The following CRACDL variants were observed in gnomAD, a reference collection of about 807,000 sequenced individuals.
The protein encoded by CRACDL is CRACD-like protein.
CRACDL carries 26 observed loss-of-function variants against 70.6 expected under a neutral mutation model. The observed-to-expected ratio is 0.37, with a 90% CI of 0.27 to 0.51. The LOEUF (loss-of-function observed/expected upper bound fraction) is 0.51, where lower values mean the gene tolerates loss of function less well. Ranked by LOEUF, CRACDL falls within the 20% of genes least tolerant of loss-of-function variation. The pLI is 0.94. For missense variants in CRACDL, 1,283 were observed against 1,376.9 expected (o/e 0.93, Z 1.08); for synonymous variants, 618 against 615.2 (o/e 1.00, Z -0.07).
intron 1 of CRACDL, among the ~76,000 whole-genome samples, chr2:98,931,302 G>C (rs555132623): frequency 1.0e-4 from 15 of 146,120 alleles, no homozygotes; most frequent in Admixed American, 4.2e-4. Context: ...TCCAGCCTGG[G>C]CGACAGAGCA....
At chr2:98,935,165 T>A (rs1390434644) in intron 1 of CRACDL, among the ~76,000 whole-genome samples, 1 of 152,120 alleles carries the variant, frequency 6.6e-6, no homozygotes, top group Admixed American at 6.5e-5. Flanking sequence ...TAAGACCAGT[T>A]TGGGAAGGTG....
At chr2:98,805,393 C>T (rs556155627) in intron 7 of CRACDL, among the ~76,000 whole-genome samples, 1 of 152,266 alleles carries the variant, frequency 6.6e-6, no homozygotes, top group South Asian at 2.1e-4. Context: ...CAAGTTTGCA[C>T]CCAGAGCTGT....
rs758540590 is a variant in CRACDL, at chr2:98,846,760, G to T, written c.41C>A (p.Ala14Asp). ...TRVMDIKLRE[A>D]AEGLGEDSTG... ...GCTGTCCTCCCCAAGGCCTTCTGCA[G>T]CCTCCCGAAGCTTAATGTCCATCAC... The change falls in exon 2 of 10, where the codon GCT becomes GAT. Residue 14 changes from alanine to aspartate, a missense_variant. Physicochemically the swap from Ala to Asp is moderately radical, Grantham distance 126 (BLOSUM62 -2). Coordinates refer to ENST00000397899, the MANE Select transcript of CRACDL (RefSeq NM_207362.3). 6 of 1,614,186 alleles carry T rather than the reference G, an allele frequency of 3.7e-6. No homozygotes were observed. The highest frequency in any genetic ancestry group is 5.1e-6 in the Non-Finnish European group (6 of 1,180,010).
intron 1 of CRACDL, among the ~76,000 whole-genome samples, chr2:98,894,121 G>T (rs1041803307): frequency 5.9e-5 from 9 of 152,300 alleles, no homozygotes; most frequent in Admixed American, 3.9e-4. Flanking sequence ...CGCCAGTGGC[G>T]CTGGCTATAT....
chr2:98,865,996 C>A (rs6708023), intron 1 of CRACDL, among the ~76,000 whole-genome samples: 2 of 151,986 alleles, frequency 1.3e-5, no homozygotes, highest in African/African-American at 2.4e-5. Flanking sequence ...CCACCTCCTG[C>A]TCTCTGAAGC....
chr2:98,927,633 A>T (rs1163272570), intron 1 of CRACDL, among the ~76,000 whole-genome samples: 1 of 152,176 alleles, frequency 6.6e-6, no homozygotes, highest in African/African-American at 2.4e-5. Context: ...AAAGCGCAAA[A>T]AATACAAAAA....
At chr2:98,802,321 C>T (rs564614702) in intron 7 of CRACDL, among the ~76,000 whole-genome samples, 1 of 152,240 alleles carries the variant, frequency 6.6e-6, no homozygotes, top group Non-Finnish European at 1.5e-5. Context: ...TGTGTTACAG[C>T]GAGCCTGGCC....
chr2:98,868,322 T>C (rs904156677), intron 1 of CRACDL, among the ~76,000 whole-genome samples: 2 of 152,262 alleles, frequency 1.3e-5, no homozygotes, highest in South Asian at 2.1e-4. Flanking sequence ...CCCAAGACCG[T>C]TCGCCCAGCT....
chr2:98,913,329 G>T (rs944742023), intron 1 of CRACDL, among the ~76,000 whole-genome samples: 8 of 152,148 alleles, frequency 5.3e-5, no homozygotes, highest in African/African-American at 4.8e-5. Context: ...GGTCACCTCT[G>T]TCGGGGGGTG....
chr2:98,867,053 C>T (rs923770683), intron 1 of CRACDL, among the ~76,000 whole-genome samples: 7 of 152,150 alleles, frequency 4.6e-5, no homozygotes, highest in African/African-American at 1.7e-4. Flanking sequence ...CCAGGCTTCC[C>T]CTCAGCCGTG....
intron 1 of CRACDL, among the ~76,000 whole-genome samples, chr2:98,856,963 G>A (rs1008966149): frequency 6.6e-6 from 1 of 151,662 alleles, no homozygotes. Flanking sequence ...ACTTGCCCAG[G>A]GATCCACACT....
intron 7 of CRACDL, among the ~76,000 whole-genome samples, chr2:98,809,964 C>T (rs569649354): frequency 2.0e-5 from 3 of 152,160 alleles, no homozygotes; most frequent in Non-Finnish European, 4.4e-5. Context: ...AATCCCACAG[C>T]CCCTAAGAGG....
At chr2:98,851,074 T>C (rs889303561) in intron 1 of CRACDL, among the ~76,000 whole-genome samples, 2 of 152,206 alleles carry the variant, frequency 1.3e-5, no homozygotes, top group African/African-American at 4.8e-5. Flanking sequence ...ACCCTACAGA[T>C]TCCCTAATCC....
intron 5 of CRACDL, among the ~76,000 whole-genome samples, chr2:98,827,396 G>A (rs1705352063): frequency 6.6e-6 from 1 of 152,112 alleles, no homozygotes; most frequent in South Asian, 2.1e-4. Flanking sequence ...TCTGCCACCT[G>A]AGTTCAATCA....
intron 7 of CRACDL, among the ~76,000 whole-genome samples, chr2:98,811,263 G>A (rs1704544651): frequency 6.6e-6 from 1 of 151,784 alleles, no homozygotes; most frequent in African/African-American, 2.4e-5. Flanking sequence ...TGCAATCCCA[G>A]CACTTTGGGA....
In CRACDL at chr2:98,826,638, G is replaced by A. The variant is rs560642989; in HGVS notation, c.735+337C>T. Among the ~76,000 whole-genome samples the A allele has an allele frequency of 2.0e-5, 3 of 152,170 alleles. No homozygotes were observed. The East Asian group carries it at 5.8e-4, about 29-fold the overall frequency. On this transcript the variant is annotated intron_variant, in intron 6 of 9. Transcript: ENST00000397899. ...CGCTGAGTGAGAAAGAAGGTAAGAA[G>A]CCTGGGGGGTAGGCAGGACCTGATG...
rs143527524 is a variant in CRACDL, at chr2:98,805,369, A to G, written c.2417-7832T>C. 1.3e-5 allele frequency among the ~76,000 whole-genome samples: 2 copies of G among 152,274 alleles called. 1 individual carries two copies. Among genetic ancestry groups the G allele is most frequent in the East Asian group, 3.9e-4 (2 of 5,184 alleles). On this transcript the variant is annotated intron_variant, in intron 7 of 9. Transcript: ENST00000397899. ...AAGAAGAGCCTAGCTCCCTGTGCACATAGAGAAATGAGGCAAGTTTGCACC... is the reference window on the plus strand; with the variant it reads ...AAGAAGAGCCTAGCTCCCTGTGCACGTAGAGAAATGAGGCAAGTTTGCACC...
chr2:98,868,724 A>T (rs1707236362), intron 1 of CRACDL, among the ~76,000 whole-genome samples: 1 of 152,198 alleles, frequency 6.6e-6, no homozygotes, highest in Non-Finnish European at 1.5e-5. Context: ...CACTCAAAGC[A>T]TATCAACTAT....
intron 1 of CRACDL, among the ~76,000 whole-genome samples, chr2:98,909,588 A>G (rs1159712595): frequency 1.3e-5 from 2 of 152,228 alleles, no homozygotes; most frequent in African/African-American, 2.4e-5. Flanking sequence ...AACACTGGCC[A>G]GGCAAATGGC....
Sources: allele counts gnomAD v4.1 joint callset (sites outside exome capture counted in the v4.1 genomes callset), GRCh38; gene constraint gnomAD v4.1.1; transcripts MANE v1.5; gene names NCBI Gene and HGNC (gene_info 2026-07-23, HGNC 2026-07-21).